Variants in IFT57 observed in about 807,000 individuals in gnomAD.
IFT57 encodes the protein intraflagellar transport 57, also known as intraflagellar transport protein 57 homolog.
Under a neutral mutation model 56.8 loss-of-function variants are expected in IFT57, and 59 were observed. The observed-to-expected ratio is 1.04, with a 90% CI of 0.84 to 1.29. The LOEUF is 1.29. IFT57 is among the 50% of genes most tolerant of loss of function. The pLI, the probability that IFT57 is intolerant of heterozygous loss-of-function variation, is 0.00. For missense variants in IFT57, 470 were observed against 522.1 expected (o/e 0.90, Z 0.97); for synonymous variants, 209 against 186.1 (o/e 1.12, Z -1.00).
intron 6 of IFT57, among the ~76,000 whole-genome samples, chr3:108,182,948 T>C (rs1013442614): frequency 5.3e-5 from 8 of 152,118 alleles, no homozygotes; most frequent in African/African-American, 1.9e-4. Context: ...AAATTCTAAT[T>C]ACAATATCCA....
At chr3:108,200,366 G>C (rs1185265895) in intron 5 of IFT57, among the ~76,000 whole-genome samples, 1 of 152,030 alleles carries the variant, frequency 6.6e-6, no homozygotes, top group African/African-American at 2.4e-5. Context: ...CAGCATCCAC[G>C]GGTCTTAATG....
intron 6 of IFT57, among the ~76,000 whole-genome samples, chr3:108,189,830 T>C (rs1466919313): frequency 6.6e-6 from 1 of 152,208 alleles, no homozygotes; most frequent in Non-Finnish European, 1.5e-5. Context: ...ACAACACGTA[T>C]TCCTTATGTT....
intron 6 of IFT57, among the ~76,000 whole-genome samples, chr3:108,172,952 T>C (rs1350949579): frequency 2.6e-5 from 4 of 151,836 alleles, no homozygotes; most frequent in African/African-American, 9.7e-5. Context: ...TGAATATTTG[T>C]TTTATTAAAA....
In IFT57 at chr3:108,204,373, A is replaced by G. The variant is rs186380147; in HGVS notation, c.654+2255T>C. The stretch of plus-strand genomic sequence containing the variant: ...TACTTAGATAATTTACAAAAACACC[A>G]TTTGGAAAAACCCTTCCTCATGTAG... On this transcript the variant is annotated intron_variant, in intron 5 of 10. Coordinates refer to ENST00000264538, the MANE Select transcript of IFT57 (RefSeq NM_018010.4). Among the ~76,000 whole-genome samples, 260 of 152,328 alleles carry G rather than the reference A, an allele frequency of 1.7e-3. 1 individual carries two copies. The highest frequency in any genetic ancestry group is 1.9e-3 in the Non-Finnish European group (130 of 68,030).
At chr3:108,200,664 G>A (rs1284666374) in intron 5 of IFT57, among the ~76,000 whole-genome samples, 1 of 152,086 alleles carries the variant, frequency 6.6e-6, no homozygotes, top group Non-Finnish European at 1.5e-5. Flanking sequence ...CTTTTCATCA[G>A]ATCTCCTTGA....
intron 6 of IFT57, among the ~76,000 whole-genome samples, chr3:108,187,977 T>C (rs763320431): frequency 4.6e-5 from 7 of 151,270 alleles, no homozygotes; most frequent in Non-Finnish European, 8.8e-5. Flanking sequence ...TCAGGGTACA[T>C]GTGCACAATG....
intron 9 of IFT57, 71 bp from the exon 10 acceptor site, chr3:108,163,800 A>T (rs1220887971): frequency 6.6e-5 from 57 of 867,508 alleles, no homozygotes; most frequent in Admixed American, 4.6e-4. Flanking sequence ...TTATGTGTTA[A>T]GAAAATGTAA....
intron 6 of IFT57, among the ~76,000 whole-genome samples, chr3:108,172,183 G>A (rs1448984665): frequency 6.6e-6 from 1 of 151,832 alleles, no homozygotes; most frequent in East Asian, 1.9e-4. Flanking sequence ...GAACCTCGAA[G>A]CATGAGTAGC....
chr3:108,193,000 A>T (rs2080224594), intron 5 of IFT57, among the ~76,000 whole-genome samples: 1 of 152,208 alleles, frequency 6.6e-6, no homozygotes, highest in Non-Finnish European at 1.5e-5. Flanking sequence ...AACTGTTGAA[A>T]CTGGATAGCG....
intron 5 of IFT57, among the ~76,000 whole-genome samples, chr3:108,203,073 G>A (rs2080288238): frequency 6.6e-6 from 1 of 152,236 alleles, no homozygotes; most frequent in South Asian, 2.1e-4. Context: ...GAGCTTCAGA[G>A]AATGTGGCCA....
chr3:108,184,335 T>C (rs923462375), intron 6 of IFT57, among the ~76,000 whole-genome samples: 10 of 152,278 alleles, frequency 6.6e-5, no homozygotes, highest in Admixed American at 1.3e-4. Flanking sequence ...GGTCCACTTA[T>C]ATGCGGATTT....
At chr3:108,199,221 G>T (rs1054481727) in intron 5 of IFT57, among the ~76,000 whole-genome samples, 1 of 152,076 alleles carries the variant, frequency 6.6e-6, no homozygotes, top group African/African-American at 2.4e-5. Context: ...CTTTAAAAAA[G>T]AATAAAGTTT....
intron 6 of IFT57, among the ~76,000 whole-genome samples, chr3:108,186,443 TCCAAACCATG>T (rs1180611360): frequency 6.6e-6 from 1 of 151,982 alleles, no homozygotes; most frequent in South Asian, 2.1e-4. Context: ...GATAAGTGCT[TCCAAACCATG>T]CCAAACAATG....
chr3:108,220,415 C>T (rs573365593), intron 1 of IFT57, among the ~76,000 whole-genome samples: 6 of 152,336 alleles, frequency 3.9e-5, no homozygotes, highest in Admixed American at 6.5e-5. Flanking sequence ...ACTATTATAA[C>T]CATTGTCATA....
At chr3:108,187,597 A>G (rs954404524) in intron 6 of IFT57, among the ~76,000 whole-genome samples, 41 of 151,016 alleles carry the variant, frequency 2.7e-4, no homozygotes, top group East Asian at 9.7e-4. Flanking sequence ...TAAAAAAAAA[A>G]GGGGGGGAGT....
intron 6 of IFT57, among the ~76,000 whole-genome samples, chr3:108,185,437 G>T (rs1191819244): frequency 6.6e-6 from 1 of 151,794 alleles, no homozygotes; most frequent in Admixed American, 6.6e-5. Context: ...GAATATCACT[G>T]TGGAGAAAAG....
Position 108,210,332 on chromosome 3 carries a change from C to CTTTTTTTTTTTTT in IFT57, c.585+3586_585+3598dup, listed in dbSNP as rs35896793. Among the ~76,000 whole-genome samples, 6 of 108,022 alleles carry CTTTTTTTTTTTTT rather than the reference C, an allele frequency of 5.6e-5. 1 individual carries two copies. Among genetic ancestry groups the CTTTTTTTTTTTTT allele is most frequent in the Admixed American group, 2.1e-4 (2 of 9,518 alleles). The allele number at this position is 108,022 out of a possible 152,430, so 70.9% of individuals were successfully genotyped here. ...CAGAACTTTGACTGTCAGAAATAAT[C>CTTTTTTTTTTTTT]TTTTTTTTTTTTTTTTTTTGAGACA... is the stretch of plus-strand genomic sequence containing the variant. On this transcript the variant is annotated intron_variant, in intron 4 of 10. Transcript: ENST00000264538.
intron 4 of IFT57, among the ~76,000 whole-genome samples, chr3:108,208,757 T>C (rs1294186352): frequency 1.3e-5 from 2 of 152,226 alleles, no homozygotes; most frequent in Admixed American, 1.3e-4. Flanking sequence ...CCTGGCCACT[T>C]TGGGCTCCTC....
Position 108,209,823 on chromosome 3 carries a change from T to C in IFT57, c.586-3127A>G, listed in dbSNP as rs147482445. Among the ~76,000 whole-genome samples, 1,366 of 152,284 alleles carry C rather than the reference T, an allele frequency of 9.0e-3. 13 individuals are homozygous for C. Among genetic ancestry groups the C allele is most frequent in the African/African-American group, 0.03 (1,226 of 41,552 alleles). On this transcript the variant is annotated intron_variant, in intron 4 of 10. Coordinates refer to ENST00000264538, the MANE Select transcript of IFT57 (RefSeq NM_018010.4). ...CTTCAGACTCAAACTGGGACTACCA[T>C]CAGCTCTTCTGGGTCTCCGGCTTGA...
Sources: gnomAD v4.1 joint callset for allele counts (sites outside exome capture counted in the v4.1 genomes callset) on GRCh38, gnomAD v4.1.1 for gene constraint, MANE v1.5 for transcripts, NCBI Gene and HGNC (gene_info 2026-07-23, HGNC 2026-07-21) for gene names.